Variants in ERICH3 observed in about 807,000 individuals in gnomAD.
The protein encoded by ERICH3 is glutamate rich 3.
Under a neutral mutation model 131.1 loss-of-function variants are expected in ERICH3, and 126 were observed. That is an observed-to-expected ratio of 0.96 (90% CI 0.83 to 1.11). The LOEUF (loss-of-function observed/expected upper bound fraction) is 1.11, where lower values mean the gene tolerates loss of function less well. ERICH3 is among the 50% of genes most tolerant of loss of function. The pLI is 0.00. For missense variants in ERICH3, 2,050 were observed against 1,810.7 expected, an observed-to-expected ratio of 1.13 and a Z score of -2.40; for synonymous variants, 695 against 644.6, an observed-to-expected ratio of 1.08 and a Z score of -1.18.
intron 11 of ERICH3, among the ~76,000 whole-genome samples, 180 bp downstream of exon 11, chr1:74,599,515 A>T (rs1648017725): frequency 6.6e-6 from 1 of 152,022 alleles, no homozygotes; most frequent in East Asian, 1.9e-4. Context: ...GTGTACGACG[A>T]ACCCCCATGA....
intron 1 of ERICH3, among the ~76,000 whole-genome samples, chr1:74,649,830 T>G (rs933953122): frequency 6.6e-6 from 1 of 152,158 alleles, no homozygotes; most frequent in Non-Finnish European, 1.5e-5. Context: ...AGATAATATC[T>G]GTGGTGTATA....
At chr1:74,588,334 G>C (rs2100558770) in intron 12 of ERICH3, among the ~76,000 whole-genome samples, 1 of 152,162 alleles carries the variant, frequency 6.6e-6, no homozygotes, top group Admixed American at 6.5e-5. Flanking sequence ...ACCTTTGTCT[G>C]GTGGTGTGCC....
In ERICH3 at chr1:74,576,875, C is replaced by T; in HGVS notation, c.2218+20G>A. The T allele has an allele frequency of 6.3e-7, 1 of 1,589,648 alleles. No homozygotes were observed. Among genetic ancestry groups the T allele is most frequent in the Non-Finnish European group, 8.6e-7 (1 of 1,168,572 alleles). On this transcript the variant is annotated intron_variant, in intron 13 of 14. Coordinates refer to ENST00000326665, the MANE Select transcript of ERICH3 (RefSeq NM_001002912.5). Reference sequence around the variant, plus strand: ...CTGTTGGATCACTCTAATTGGACCTCTTGCAGATGGAATACTTACCACCAA... The same window carrying T: ...CTGTTGGATCACTCTAATTGGACCTTTTGCAGATGGAATACTTACCACCAA...
At position 74,641,302 on chromosome 1, in the gene ERICH3, T is replaced by C. The variant is rs769771320; in HGVS notation, c.444+29A>G. 4 of 1,606,346 alleles carry C rather than the reference T, an allele frequency of 2.5e-6. No individual in the cohort carries two copies. In the African/African-American group the frequency reaches 5.4e-5, roughly 22 times the overall value. The stretch of plus-strand genomic sequence containing the variant: ...ATAATAAATTAATTAGCTGGGATAC[T>C]GCATGACGAAGTGTTTAATATTACT... On this transcript the variant is annotated intron_variant, in intron 5 of 14. Coordinates refer to ENST00000326665, the MANE Select transcript of ERICH3 (RefSeq NM_001002912.5).
rs186620301 is a variant in ERICH3, at chr1:74,619,574, G to A, written c.1000+1160C>T. 6.2e-3 allele frequency among the ~76,000 whole-genome samples: 949 copies of A among 152,296 alleles called. 7 individuals are homozygous for A. The highest frequency in any genetic ancestry group is 9.1e-3 in the Admixed American group (140 of 15,308). On this transcript the variant is annotated intron_variant, in intron 8 of 14. Coordinates refer to ENST00000326665, the MANE Select transcript of ERICH3 (RefSeq NM_001002912.5). ...CTGCCTGGAACTGATCAAGGGCCTTGCACCTAGCCAGGGGCTCGGGATTTG... is the reference window on the plus strand; with the variant it reads ...CTGCCTGGAACTGATCAAGGGCCTTACACCTAGCCAGGGGCTCGGGATTTG...
chr1:74,649,465 TCC>T (rs1646513633), intron 1 of ERICH3, 150 bp from the exon 2 acceptor site: 3 of 537,584 alleles, frequency 5.6e-6, no homozygotes, highest in Admixed American at 6.7e-5. Flanking sequence ...ATGTATTGAG[TCC>T]CTATTCTTTT....
chr1:74,648,564 T>C (rs1257869841), intron 2 of ERICH3, among the ~76,000 whole-genome samples: 1 of 152,146 alleles, frequency 6.6e-6, no homozygotes, highest in Non-Finnish European at 1.5e-5. Context: ...ATACGTGCTC[T>C]TTCAACACCA....
Position 74,573,315 on chromosome 1 carries a change from C to T in ERICH3, c.2395G>A (p.Gly799Arg). 1 of 1,603,174 alleles carries T rather than the reference C, an allele frequency of 6.2e-7. No homozygotes were observed. The highest frequency in any genetic ancestry group is 8.5e-7 in the Non-Finnish European group (1 of 1,175,798). The change falls in exon 14 of 15, where the codon GGA becomes AGA. Residue 799 changes from glycine (G) to arginine (R), a missense_variant. Coordinates refer to ENST00000326665, the MANE Select transcript of ERICH3 (RefSeq NM_001002912.5). ...GCCTCATGAACAGCTCCTGCTTCTC[C>T]CCACAGTGCTGCCTCCCCTTTTCCC... ...VQGKGEAALW[G>R]EAGAVHEAPL... is the part of the protein sequence containing the mutation.
chr1:74,621,314 T>G (rs2100611234), intron 7 of ERICH3: 1 of 153,708 alleles, frequency 6.5e-6, no homozygotes, highest in African/African-American at 2.4e-5. Flanking sequence ...TAAATAAATA[T>G]TAGTAACATC....
chr1:74,587,656 A>C (rs995685873), intron 12 of ERICH3, among the ~76,000 whole-genome samples: 1 of 152,166 alleles, frequency 6.6e-6, no homozygotes, highest in African/African-American at 2.4e-5. Flanking sequence ...TCAGGTAAAC[A>C]ATCTGGTTCT....
intron 10 of ERICH3, among the ~76,000 whole-genome samples, chr1:74,602,334 A>G (rs1388795576): frequency 2.0e-5 from 3 of 151,968 alleles, no homozygotes; most frequent in Non-Finnish European, 4.4e-5. Flanking sequence ...AGCTCAAAGC[A>G]CACCACCTTT....
intron 13 of ERICH3, 22 bp downstream of exon 13, chr1:74,576,873 C>T (rs369792755): frequency 5.7e-6 from 9 of 1,585,970 alleles, no homozygotes; most frequent in South Asian, 1.2e-5. Flanking sequence ...CTAATTGGAC[C>T]TCTTGCAGAT....
intron 11 of ERICH3, among the ~76,000 whole-genome samples, chr1:74,591,469 T>C (rs1034190802): frequency 3.3e-5 from 5 of 152,156 alleles, no homozygotes; most frequent in African/African-American, 1.2e-4. Context: ...CTCTGGCATT[T>C]CCAGGCTCTT....
At chr1:74,662,547 G>A (rs1646653393) in intron 1 of ERICH3, among the ~76,000 whole-genome samples, 1 of 152,006 alleles carries the variant, frequency 6.6e-6, no homozygotes, top group Non-Finnish European at 1.5e-5. Context: ...AAAATTGAAG[G>A]CAAATATCAT....
Position 74,620,842 on chromosome 1 carries a change from C to A in ERICH3, c.892G>T (p.Val298Leu). Residue 298 changes from valine to leucine, a missense_variant, in exon 8 of 15, where the codon GTG (valine) becomes TTG (leucine). Physicochemically the swap from Val to Leu is conservative, Grantham distance 32. Transcript: ENST00000326665. ...AITMIYLGKN[V>L]HLSSDNPDFR... is the part of the protein sequence containing the mutation. ...TCAGGATTATCAGAAGATAGGTGCA[C>A]ATTTTTCCCCAAATAGATCATTGTA... 1.2e-6 allele frequency: 2 copies of A among 1,612,818 alleles called. No homozygotes were observed. Among genetic ancestry groups the A allele is most frequent in the East Asian group, 2.2e-5 (1 of 44,796 alleles).
At chr1:74,664,727 T>C (rs1437865178) in intron 1 of ERICH3, among the ~76,000 whole-genome samples, 1 of 152,190 alleles carries the variant, frequency 6.6e-6, no homozygotes, top group East Asian at 1.9e-4. Flanking sequence ...AGAAAAATAA[T>C]AACAGTCGCA....
chr1:74,587,346 A>T (rs1038047784), intron 12 of ERICH3, among the ~76,000 whole-genome samples: 3 of 151,300 alleles, frequency 2.0e-5, no homozygotes, highest in Non-Finnish European at 4.4e-5. Flanking sequence ...AAAAAAAAAA[A>T]AATTAAAATC....
At chr1:74,671,070 CA>C (rs1273571307) in intron 1 of ERICH3, among the ~76,000 whole-genome samples, 7 of 152,188 alleles carry the variant, frequency 4.6e-5, no homozygotes, top group Non-Finnish European at 7.3e-5. Flanking sequence ...TCTCTGCTCT[CA>C]AACCCTGTTT....
chr1:74,638,180 A>G (rs1646408390), intron 5 of ERICH3, among the ~76,000 whole-genome samples: 1 of 152,228 alleles, frequency 6.6e-6, no homozygotes, highest in Admixed American at 6.5e-5. Context: ...ACTACCAAAA[A>G]CCAGCCTTAG....
Sources: gnomAD v4.1 joint callset for allele counts (sites outside exome capture counted in the v4.1 genomes callset) on GRCh38, gnomAD v4.1.1 for gene constraint, MANE v1.5 for transcripts, NCBI Gene and HGNC (gene_info 2026-07-23, HGNC 2026-07-21) for gene names.